The following UNC79 variants were observed in gnomAD, a reference collection of about 807,000 sequenced individuals.
UNC79 encodes the protein unc-79 subunit of NALCN channel complex.
In UNC79, 37 loss-of-function variants were observed where a neutral mutation model predicts 283.1. That is an observed-to-expected ratio of 0.13 (90% CI 0.10 to 0.17). The LOEUF is 0.17. Ranked by LOEUF, UNC79 falls within the 10% of genes least tolerant of loss-of-function variation. The pLI is 1.00. For synonymous variants in UNC79, 1,107 were observed against 1,200.2 expected (o/e 0.92, Z 1.61); for missense variants, 2,272 against 3,211.1 (o/e 0.71, Z 7.07).
chr14:93,475,527 A>T (rs1189091573), intron 3 of UNC79, among the ~76,000 whole-genome samples: 1 of 152,236 alleles, frequency 6.6e-6, no homozygotes, highest in Non-Finnish European at 1.5e-5. Context: ...AGAAATTCGT[A>T]AAGTTGCTTT....
rs142380085 is a variant in UNC79 at position 93,513,848 on chromosome 14, G to A, written c.899-10130G>A. 5.9e-5 allele frequency among the ~76,000 whole-genome samples: 9 copies of A among 152,168 alleles called. 1 individual carries two copies. The East Asian group carries it at 1.4e-3, about 23-fold the overall frequency. On this transcript the variant is annotated intron_variant, in intron 7 of 48. Transcript: ENST00000555664. ...TCCCAAGGACTTAAATTTATAACTT[G>A]TTAAGCCAAGTATATTTCAGTTTTG...
At chr14:93,481,850 C>T (rs943471046) in intron 4 of UNC79, among the ~76,000 whole-genome samples, 2 of 152,064 alleles carry the variant, frequency 1.3e-5, no homozygotes, top group Non-Finnish European at 2.9e-5. Context: ...AGATAGGTTT[C>T]CCTATATACT....
chr14:93,453,390 A>G (rs1318298134), intron 1 of UNC79, among the ~76,000 whole-genome samples: 1 of 152,226 alleles, frequency 6.6e-6, no homozygotes, highest in Admixed American at 6.5e-5. Flanking sequence ...TCACCAAATA[A>G]TTCCTCAGTT....
intron 1 of UNC79, among the ~76,000 whole-genome samples, chr14:93,422,402 T>C (rs2055620020): frequency 6.6e-6 from 1 of 152,190 alleles, no homozygotes; most frequent in Non-Finnish European, 1.5e-5. Flanking sequence ...GCTTCAGAGA[T>C]AATAGATTAT....
chr14:93,671,991 C>T (rs1483530461), intron 40 of UNC79, among the ~76,000 whole-genome samples: 1 of 152,118 alleles, frequency 6.6e-6, no homozygotes, highest in African/African-American at 2.4e-5. Context: ...GAGATATCAT[C>T]TTACCCCAGT....
At position 93,641,255 on chromosome 14, in the gene UNC79, C is replaced by T. The variant is rs367719336; in HGVS notation, c.5903+8C>T. On this transcript the variant is annotated splice_region_variant and intron_variant, in intron 33 of 48. Coordinates refer to ENST00000555664, the Ensembl canonical transcript of UNC79. ...GACGGTGATGACGGACAAGTAAGCT[C>T]GCACAGTTATTTTCTTCACCATGTT... The T allele has an allele frequency of 2.2e-5, 36 of 1,609,238 alleles. No homozygotes were observed. The African/African-American group carries it at 3.7e-4, about 17-fold the overall frequency.
intron 1 of UNC79, among the ~76,000 whole-genome samples, chr14:93,402,075 T>G (rs1269938544): frequency 1.3e-5 from 2 of 151,848 alleles, no homozygotes; most frequent in Admixed American, 1.3e-4. Flanking sequence ...GTCAGGAGTT[T>G]GAGATCAGCC....
chr14:93,348,914 A>G (rs2053924854), intron 1 of UNC79, among the ~76,000 whole-genome samples: 1 of 152,276 alleles, frequency 6.6e-6, no homozygotes, highest in Non-Finnish European at 1.5e-5. Context: ...GTCAATAAAT[A>G]GAAGTTGGGC....
intron 14 of UNC79, among the ~76,000 whole-genome samples, chr14:93,554,104 A>C (rs1364912043): frequency 2.0e-5 from 3 of 152,326 alleles, no homozygotes; most frequent in East Asian, 3.9e-4. Context: ...TAATCCCAGC[A>C]CTTTGGGAGG....
At chr14:93,638,844 C>G (rs1390903338) in intron 32 of UNC79, among the ~76,000 whole-genome samples, 2 of 152,160 alleles carry the variant, frequency 1.3e-5, no homozygotes, top group African/African-American at 4.8e-5. Flanking sequence ...GCATTTCCCA[C>G]CTCCTCCTAG....
chr14:93,520,366 A>G (rs1413651012), intron 7 of UNC79, among the ~76,000 whole-genome samples: 1 of 151,768 alleles, frequency 6.6e-6, no homozygotes, highest in Non-Finnish European at 1.5e-5. Context: ...CAATTTGTTT[A>G]TAATGAATTT....
chr14:93,386,555 T>C (rs748873126), intron 1 of UNC79, among the ~76,000 whole-genome samples: 2 of 152,250 alleles, frequency 1.3e-5, no homozygotes, highest in East Asian at 1.9e-4. Flanking sequence ...TTAGTTCTTC[T>C]TTAAATGTTT....
exon 19 of UNC79, chr14:93,580,320 C>A (rs747324343): frequency 6.2e-7 from 1 of 1,614,240 alleles, no homozygotes; most frequent in Non-Finnish European, 8.5e-7. Context: ...CCTCTGCTAT[C>A]AGCTTGCTTG....
chr14:93,495,072 C>T (rs771436282), intron 5 of UNC79, among the ~76,000 whole-genome samples: 2 of 152,188 alleles, frequency 1.3e-5, no homozygotes, highest in Admixed American at 6.5e-5. Context: ...TCTCTTCATT[C>T]TTACTGTCCA....
At chr14:93,544,742 G>A (rs1197242648) in intron 14 of UNC79, among the ~76,000 whole-genome samples, 2 of 152,202 alleles carry the variant, frequency 1.3e-5, no homozygotes, top group Admixed American at 6.5e-5. Flanking sequence ...CAGATTAATG[G>A]TTGGGATAGA....
chr14:93,536,548 A>C (rs2061084691), intron 11 of UNC79, among the ~76,000 whole-genome samples: 1 of 152,202 alleles, frequency 6.6e-6, no homozygotes. Flanking sequence ...TTCAATCTAC[A>C]ATGGTATAAT....
intron 10 of UNC79, 144 bp from the exon 11 acceptor site, chr14:93,532,406 G>T (rs1035896085): frequency 7.8e-6 from 7 of 898,466 alleles, no homozygotes; most frequent in Admixed American, 2.8e-5. Flanking sequence ...CGTTCAAGAG[G>T]CTGTGGTGGG....
chr14:93,679,912 A>T lies in UNC79; in HGVS notation c.6742-2705A>T, dbSNP rs1225816951. ...ATTATATTTTGAGCAGCTCTATAAC[A>T]TCATAATAGATTTTTTTTCAGTTTA... is the stretch of plus-strand genomic sequence containing the variant. On this transcript the variant is annotated intron_variant, in intron 41 of 48. Coordinates refer to ENST00000555664, the Ensembl canonical transcript of UNC79. Among the ~76,000 whole-genome samples, 9 of 152,180 alleles carry T rather than the reference A, an allele frequency of 5.9e-5. No homozygotes were observed. The East Asian group carries it at 1.7e-3, about 29-fold the overall frequency.
intron 41 of UNC79, among the ~76,000 whole-genome samples, chr14:93,678,353 CAG>C (rs1454413766): frequency 6.6e-6 from 1 of 152,256 alleles, no homozygotes; most frequent in Non-Finnish European, 1.5e-5. Flanking sequence ...ATGCTGAAAA[CAG>C]AGTCTGTTGC....
Sources: gnomAD v4.1 joint callset for allele counts (sites outside exome capture counted in the v4.1 genomes callset) on GRCh38, gnomAD v4.1.1 for gene constraint, MANE v1.5 for transcripts, NCBI Gene and HGNC (gene_info 2026-07-23, HGNC 2026-07-21) for gene names.